ALK: variants seen among roughly 807,000 people sequenced by gnomAD.
The protein encoded by ALK is ALK receptor tyrosine kinase.
In ALK, 74 loss-of-function variants were observed where a neutral mutation model predicts 163.1. That is an observed-to-expected ratio of 0.45 (90% CI 0.38 to 0.55). The LOEUF (loss-of-function observed/expected upper bound fraction) is 0.55, where lower values mean the gene tolerates loss of function less well. ALK is among the 20% of genes least tolerant of loss of function. The pLI, the probability that ALK is intolerant of heterozygous loss-of-function variation, is 0.00. For synonymous variants in ALK, 960 were observed against 843.2 expected (o/e 1.14, Z -2.40); for missense variants, 2,063 against 2,105.3 (o/e 0.98, Z 0.39).
chr2:29,324,048 T>TG (rs1239316883), intron 6 of ALK, among the ~76,000 whole-genome samples: 25 of 152,354 alleles, frequency 1.6e-4, no homozygotes, highest in African/African-American at 6.0e-4. Flanking sequence ...GCTCCCCTAG[T>TG]GACTCCTGTG....
At chr2:29,785,910 TATACACACACACACACAC>T (rs1664001716) in intron 1 of ALK, among the ~76,000 whole-genome samples, 1 of 128,536 alleles carries the variant, frequency 7.8e-6, no homozygotes, top group South Asian at 2.5e-4. Flanking sequence ...TGTTTTTGAG[TATACACACACACACACAC>T]ACACACACAC....
chr2:29,252,138 G>A (rs373890014), intron 11 of ALK, among the ~76,000 whole-genome samples: 1 of 151,932 alleles, frequency 6.6e-6, no homozygotes, highest in South Asian at 2.1e-4. Context: ...TGGCTTTCTG[G>A]GGGCAACACA....
intron 3 of ALK, among the ~76,000 whole-genome samples, chr2:29,636,412 T>C (rs1314617538): frequency 6.6e-6 from 1 of 151,954 alleles, no homozygotes; most frequent in Non-Finnish European, 1.5e-5. Flanking sequence ...AAGAAACAAA[T>C]GACCTTAGGT....
Position 29,232,447 on chromosome 2 carries a change from A to G in ALK, c.2489T>C (p.Met830Thr), listed in dbSNP as rs1417845239. ...GGGGATYVFKMKDGVPVPLII... is the reference protein window; with the variant it reads ...GGGGATYVFKTKDGVPVPLII... ...CAGGGGCACCGGCACTCCATCCTTC[A>G]TCTGACCAGGGGAGACATTCAGACA... The change falls in exon 15 of 29, where the codon ATG becomes ACG. Residue 830 changes from methionine to threonine, a missense_variant and splice_region_variant. By Grantham distance (81) the Met-to-Thr change is moderately conservative (BLOSUM62 -1). This residue lies in a region of ALK where 575 missense variants were observed against 626.6 expected (regional missense o/e 0.92). Transcript: ENST00000389048. The G allele has an allele frequency of 2.3e-5, 37 of 1,614,186 alleles. No individual in the cohort carries two copies. Among genetic ancestry groups the G allele is most frequent in the Non-Finnish European group, 3.1e-5 (37 of 1,180,016 alleles).
At chr2:29,452,627 TCC>T (rs1402328323) in intron 4 of ALK, among the ~76,000 whole-genome samples, 3 of 152,176 alleles carry the variant, frequency 2.0e-5, no homozygotes, top group Non-Finnish European at 4.4e-5. Flanking sequence ...TCAAAGTATC[TCC>T]CCATAAGATA....
intron 1 of ALK, among the ~76,000 whole-genome samples, chr2:29,727,760 C>G (rs2148315019): frequency 6.6e-6 from 1 of 152,336 alleles, no homozygotes; most frequent in South Asian, 2.1e-4. Context: ...TTGGCTTCAT[C>G]CTACTCTGGT....
intron 1 of ALK, among the ~76,000 whole-genome samples, chr2:29,908,822 C>T (rs1324252427): frequency 6.6e-6 from 1 of 152,252 alleles, no homozygotes; most frequent in African/African-American, 2.4e-5. Flanking sequence ...GTTTAGCATT[C>T]AAGTGCTGCC....
chr2:29,303,147 TAAGGAACTTAAACAAATC>T (rs1666416454), intron 8 of ALK, among the ~76,000 whole-genome samples: 1 of 152,122 alleles, frequency 6.6e-6, no homozygotes, highest in Non-Finnish European at 1.5e-5. Flanking sequence ...CCAGAACCTA[TAAGGAACTTAAACAAATC>T]AAGAAAAAAC....
At chr2:29,294,662 G>A (rs1230037390) in intron 9 of ALK, among the ~76,000 whole-genome samples, 2 of 152,188 alleles carry the variant, frequency 1.3e-5, no homozygotes, top group Non-Finnish European at 2.9e-5. Context: ...TTAATACTCT[G>A]TGTAGACTCT....
At chr2:29,285,034 C>T (rs1665815903) in intron 9 of ALK, among the ~76,000 whole-genome samples, 2 of 152,110 alleles carry the variant, frequency 1.3e-5, no homozygotes, top group African/African-American at 2.4e-5. Flanking sequence ...TTAAGTAGCC[C>T]ATGTCTACTT....
chr2:29,792,366 A>G (rs1664209520), intron 1 of ALK, among the ~76,000 whole-genome samples: 1 of 152,162 alleles, frequency 6.6e-6, no homozygotes, highest in African/African-American at 2.4e-5. Flanking sequence ...TCTCAGTTTC[A>G]GGGGGAGGGT....
chr2:29,844,200 GA>G (rs759828845), intron 1 of ALK, among the ~76,000 whole-genome samples: 1 of 152,146 alleles, frequency 6.6e-6, no homozygotes, highest in Non-Finnish European at 1.5e-5. Flanking sequence ...ACATTTTAGG[GA>G]AAGAAAACAA....
intron 3 of ALK, among the ~76,000 whole-genome samples, chr2:29,629,945 G>C (rs1676309625): frequency 6.6e-6 from 1 of 152,124 alleles, no homozygotes; most frequent in African/African-American, 2.4e-5. Flanking sequence ...ATATTCTTGA[G>C]GCAGTAGTCT....
intron 5 of ALK, among the ~76,000 whole-genome samples, chr2:29,336,161 A>C (rs1667607154): frequency 6.6e-6 from 1 of 152,212 alleles, no homozygotes; most frequent in Non-Finnish European, 1.5e-5. Context: ...CCTCTGTATC[A>C]GGGATGGGTT....
At chr2:29,469,956 T>C (rs1182367858) in intron 4 of ALK, among the ~76,000 whole-genome samples, 1 of 152,156 alleles carries the variant, frequency 6.6e-6, no homozygotes, top group Non-Finnish European at 1.5e-5. Flanking sequence ...AGTCTGATAT[T>C]GGAGTTATCA....
chr2:29,662,616 T>C (rs770542532), intron 3 of ALK, among the ~76,000 whole-genome samples: 2 of 152,184 alleles, frequency 1.3e-5, no homozygotes, highest in Admixed American at 1.3e-4. Context: ...TGGCTCCTTA[T>C]GGTTATGCCA....
At chr2:29,818,645 T>C (rs1029491274) in intron 1 of ALK, among the ~76,000 whole-genome samples, 2 of 152,252 alleles carry the variant, frequency 1.3e-5, no homozygotes, top group Non-Finnish European at 2.9e-5. Flanking sequence ...AACTTTTCTG[T>C]CCACCGTGCC....
intron 4 of ALK, among the ~76,000 whole-genome samples, chr2:29,412,441 G>T (rs1396551341): frequency 1.3e-5 from 2 of 152,138 alleles, no homozygotes; most frequent in Non-Finnish European, 2.9e-5. Flanking sequence ...CTGCACCATT[G>T]CTTCCAAGCA....
intron 4 of ALK, among the ~76,000 whole-genome samples, chr2:29,467,702 AAT>A (rs1260890967): frequency 2.6e-5 from 4 of 152,172 alleles, no homozygotes; most frequent in Non-Finnish European, 4.4e-5. Context: ...TTCTCATAAT[AAT>A]ACTAAAATAT....
Sources: allele counts gnomAD v4.1 joint callset (sites outside exome capture counted in the v4.1 genomes callset), GRCh38; gene constraint gnomAD v4.1.1; regional missense constraint gnomAD v4.1.1; transcripts MANE v1.5; gene names NCBI Gene and HGNC (gene_info 2026-07-23, HGNC 2026-07-21).